Variants in PALM2AKAP2 observed in about 807,000 individuals in gnomAD.
The protein encoded by PALM2AKAP2 is PALM2-AKAP2 fusion protein.
Under a neutral mutation model 71.5 loss-of-function variants are expected in PALM2AKAP2, and 37 were observed. That is an observed-to-expected ratio of 0.52 (90% CI 0.40 to 0.68). The LOEUF (loss-of-function observed/expected upper bound fraction) is 0.68. Among genes scored for constraint, PALM2AKAP2 ranks in the 30% least tolerant of loss-of-function variants. The probability of loss-of-function intolerance (pLI) is 0.00; values close to 1 mark genes in which losing one functional copy is unlikely to be tolerated. For missense variants in PALM2AKAP2, 1,224 were observed against 1,191.8 expected (o/e 1.03, Z -0.40); for synonymous variants, 468 against 478.8 (o/e 0.98, Z 0.29).
chr9:109,686,988 C>T (rs908532341), intron 1 of PALM2AKAP2, among the ~76,000 whole-genome samples: 2 of 152,114 alleles, frequency 1.3e-5, no homozygotes, highest in African/African-American at 4.8e-5. Flanking sequence ...TCATCCATGT[C>T]CCTACAAAGG....
chr9:110,130,404 A>T (rs2119058457), intron 1 of PALM2AKAP2, among the ~76,000 whole-genome samples: 1 of 152,304 alleles, frequency 6.6e-6, no homozygotes, highest in South Asian at 2.1e-4. Context: ...TGCATTCTTT[A>T]GGTGGAGACA....
At chr9:110,097,933 C>A (rs151277504) in intron 1 of PALM2AKAP2, among the ~76,000 whole-genome samples, 2 of 141,312 alleles carry the variant, frequency 1.4e-5, no homozygotes, top group Non-Finnish European at 3.0e-5. Context: ...CCAAGGCTGG[C>A]GGATCACTCG....
chr9:109,757,057 C>T (rs578166215), intron 1 of PALM2AKAP2, among the ~76,000 whole-genome samples: 111 of 152,094 alleles, frequency 7.3e-4, no homozygotes, highest in Non-Finnish European at 1.4e-3. Flanking sequence ...TTGAACATAA[C>T]GTGTTCTATC....
At chr9:109,671,322 G>T (rs1046342284) in intron 1 of PALM2AKAP2, among the ~76,000 whole-genome samples, 1 of 152,162 alleles carries the variant, frequency 6.6e-6, no homozygotes, top group Non-Finnish European at 1.5e-5. Context: ...TTCTGCATAT[G>T]GCTGGCCAGT....
chr9:109,975,480 T>A (rs1832156422), intron 6 of PALM2AKAP2, among the ~76,000 whole-genome samples: 1 of 152,226 alleles, frequency 6.6e-6, no homozygotes, highest in African/African-American at 2.4e-5. Flanking sequence ...TCAATGCTAA[T>A]CTCTTTTGGA....
intron 6 of PALM2AKAP2, among the ~76,000 whole-genome samples, chr9:109,999,916 T>TGAGTGTAGA (rs921667927): frequency 4.0e-5 from 6 of 151,368 alleles, no homozygotes; most frequent in Non-Finnish European, 1.5e-5. Flanking sequence ...TACACAAATT[T>TGAGTGTAGA]GAGTGTAGAT....
At chr9:109,943,044 T>C (rs762921421) in intron 6 of PALM2AKAP2, 1 of 1,614,204 alleles carries the variant, frequency 6.2e-7, no homozygotes, top group South Asian at 1.1e-5. Flanking sequence ...GGAAAGACCA[T>C]TCTTCCGGGA....
rs148249881 is a variant in PALM2AKAP2 at position 109,735,591 on chromosome 9, A to G, written c.6-44897A>G. Among the ~76,000 whole-genome samples, 210 of 152,290 alleles carry G rather than the reference A, an allele frequency of 1.4e-3. 1 individual carries two copies. The highest frequency in any genetic ancestry group is 4.8e-3 in the African/African-American group (198 of 41,574). On this transcript the variant is annotated intron_variant, in intron 1 of 6. Coordinates refer to the PALM2AKAP2 transcript ENST00000374531. ...CAGCAAGTTAATTATGGAATCAAAA[A>G]ATGATTTTTTGGCTGAAATGTCTGT... is the stretch of plus-strand genomic sequence containing the variant.
At chr9:109,929,602 C>T (rs1393922886) in intron 5 of PALM2AKAP2, among the ~76,000 whole-genome samples, 7 of 152,088 alleles carry the variant, frequency 4.6e-5, no homozygotes, top group African/African-American at 7.2e-5. Flanking sequence ...AGGTGGCTCA[C>T]GCCTGTAATC....
intron 3 of PALM2AKAP2, among the ~76,000 whole-genome samples, chr9:110,160,249 G>A (rs950959191): frequency 7.9e-5 from 12 of 152,204 alleles, no homozygotes; most frequent in Non-Finnish European, 1.3e-4. Flanking sequence ...CCTTTAGTCT[G>A]ATGCTTTTGT....
At chr9:109,946,719 A>G (rs550316456) in intron 6 of PALM2AKAP2, 237 of 150,416 alleles carry the variant, frequency 1.6e-3, no homozygotes, top group African/African-American at 5.7e-3. Context: ...AAAATCATAT[A>G]ATCAGTTCCC....
At chr9:109,647,131 G>A (rs902727447) in intron 1 of PALM2AKAP2, among the ~76,000 whole-genome samples, 5 of 147,602 alleles carry the variant, frequency 3.4e-5, no homozygotes, top group Non-Finnish European at 7.6e-5. Flanking sequence ...ATATATATAG[G>A]TTTAAATATT....
At chr9:110,117,202 C>T (rs920819650) in intron 1 of PALM2AKAP2, among the ~76,000 whole-genome samples, 8 of 152,296 alleles carry the variant, frequency 5.3e-5, no homozygotes, top group Admixed American at 3.3e-4. Context: ...TCACTGCAGC[C>T]TCAACCTCCC....
intron 1 of PALM2AKAP2, among the ~76,000 whole-genome samples, chr9:110,085,732 A>G (rs1834556332): frequency 6.6e-6 from 1 of 152,222 alleles, no homozygotes; most frequent in Non-Finnish European, 1.5e-5. Flanking sequence ...GGGGATGCCA[A>G]TGGATAATGC....
chr9:110,004,997 G>T (rs59371413), intron 6 of PALM2AKAP2, among the ~76,000 whole-genome samples: 1 of 152,172 alleles, frequency 6.6e-6, no homozygotes, highest in South Asian at 2.1e-4. Flanking sequence ...GCTCGGAGTA[G>T]TTTGATCGTC....
intron 7 of PALM2AKAP2, among the ~76,000 whole-genome samples, chr9:110,035,628 GGATATGTTGTGTGTTATATA>G: frequency 9.4e-6 from 1 of 106,144 alleles, no homozygotes; most frequent in East Asian, 2.5e-4. Flanking sequence ...AACATATATA[GGATATGTTGTGTGTTATATA>G]TAACATATAT....
chr9:109,982,951 C>T (rs1480955575), intron 6 of PALM2AKAP2, among the ~76,000 whole-genome samples: 1 of 152,128 alleles, frequency 6.6e-6, no homozygotes, highest in Non-Finnish European at 1.5e-5. Context: ...CAAGAAAGAG[C>T]CAGCCAGCTG....
chr9:110,095,060 C>T lies in PALM2AKAP2; in HGVS notation c.157-41067C>T, dbSNP rs533719062. ...TATGTGTAGTACTCTGGATTGGTAA[C>T]GTTTGATGGGAAAGAAAACAAAATC... On this transcript the variant is annotated intron_variant, in intron 1 of 3. Coordinates refer to ENST00000374525, the Ensembl canonical transcript of PALM2AKAP2. 4.6e-5 allele frequency among the ~76,000 whole-genome samples: 7 copies of T among 152,250 alleles called. No individual in the cohort carries two copies. In the South Asian group the frequency reaches 1.2e-3, roughly 27 times the overall value.
intron 1 of PALM2AKAP2, among the ~76,000 whole-genome samples, chr9:109,719,600 T>C (rs1353316570): frequency 6.6e-6 from 1 of 152,196 alleles, no homozygotes; most frequent in Non-Finnish European, 1.5e-5. Flanking sequence ...ATATTCACTA[T>C]TGTGATGATG....
Sources: allele counts gnomAD v4.1 joint callset (sites outside exome capture counted in the v4.1 genomes callset), GRCh38; gene constraint gnomAD v4.1.1; transcripts MANE v1.5; gene names NCBI Gene and HGNC (gene_info 2026-07-23, HGNC 2026-07-21).